TSHZ2: variants seen among roughly 807,000 people sequenced by gnomAD.
TSHZ2 encodes teashirt homolog 2.
TSHZ2 carries 21 observed loss-of-function variants against 74.4 expected under a neutral mutation model. The observed-to-expected ratio is 0.28, with a 90% CI of 0.20 to 0.41. The LOEUF is 0.41. TSHZ2 is among the 10% of genes least tolerant of loss of function. The pLI is 1.00. For missense variants in TSHZ2, 1,244 were observed against 1,293.5 expected, an observed-to-expected ratio of 0.96 and a Z score of 0.59; for synonymous variants, 540 against 515.3, an observed-to-expected ratio of 1.05 and a Z score of -0.65.
rs114101071 is a variant in TSHZ2 at position 53,061,472 on chromosome 20, C to T, written c.40+88139C>T. Among the ~76,000 whole-genome samples, 314 of 152,296 alleles carry T rather than the reference C, an allele frequency of 2.1e-3. 2 individuals carry two copies. Among genetic ancestry groups the T allele is most frequent in the African/African-American group, 7.3e-3 (304 of 41,580 alleles). On this transcript the variant is annotated intron_variant, in intron 1 of 2. Transcript: ENST00000371497. ...AAAAGATATAAGATTATGAAAACAA[C>T]ATTGCACATCTAGTCTGGACTTCTC...
At chr20:53,182,943 ATTGT>A (rs1465955166) in intron 1 of TSHZ2, among the ~76,000 whole-genome samples, 2 of 152,198 alleles carry the variant, frequency 1.3e-5, no homozygotes, top group Non-Finnish European at 2.9e-5. Flanking sequence ...AAATCTAATG[ATTGT>A]TAAGATGGAA....
At chr20:53,307,760 G>A (rs1978604923) in intron 2 of TSHZ2, among the ~76,000 whole-genome samples, 1 of 152,174 alleles carries the variant, frequency 6.6e-6, no homozygotes, top group African/African-American at 2.4e-5. Flanking sequence ...TCCAGCCCTT[G>A]GGAAATTCCA....
intron 2 of TSHZ2, among the ~76,000 whole-genome samples, chr20:53,260,462 AGAGTCT>A (rs1410708688): frequency 6.6e-6 from 1 of 152,322 alleles, no homozygotes; most frequent in East Asian, 1.9e-4. Flanking sequence ...AACCAGGACA[AGAGTCT>A]GCCTTTGAGG....
chr20:53,182,846 T>G (rs1266230936), intron 1 of TSHZ2, among the ~76,000 whole-genome samples: 1 of 152,196 alleles, frequency 6.6e-6, no homozygotes, highest in Non-Finnish European at 1.5e-5. Context: ...TTCAATGTTC[T>G]AATAACCCCA....
intron 1 of TSHZ2, among the ~76,000 whole-genome samples, chr20:53,248,827 G>C (rs1014764355): frequency 3.9e-5 from 6 of 152,068 alleles, no homozygotes; most frequent in African/African-American, 1.4e-4. Flanking sequence ...GGGATGCTCT[G>C]GTATTATTTC....
intron 2 of TSHZ2, among the ~76,000 whole-genome samples, chr20:53,486,343 G>T (rs1986289161): frequency 6.6e-6 from 1 of 152,098 alleles, no homozygotes; most frequent in Non-Finnish European, 1.5e-5. Context: ...GAATAGTGTT[G>T]CTATGAACAC....
chr20:53,440,905 G>C (rs1336806295), intron 2 of TSHZ2, among the ~76,000 whole-genome samples: 2 of 152,234 alleles, frequency 1.3e-5, no homozygotes, highest in African/African-American at 4.8e-5. Flanking sequence ...TTGGGCATCA[G>C]TATTTTTAGC....
intron 2 of TSHZ2, among the ~76,000 whole-genome samples, chr20:53,280,935 G>A (rs11907391): frequency 0.14 from 21,646 of 151,956 alleles, 1,868 homozygotes; most frequent in African/African-American, 0.23. Context: ...CTCGTGATCC[G>A]CCCACTCATC....
At chr20:53,306,724 G>T (rs1246977821) in intron 2 of TSHZ2, among the ~76,000 whole-genome samples, 3 of 152,200 alleles carry the variant, frequency 2.0e-5, no homozygotes, top group Non-Finnish European at 2.9e-5. Context: ...TAAGAAAGGA[G>T]AAGTTTTCTA....
At chr20:53,327,599 G>T (rs1979548539) in intron 2 of TSHZ2, among the ~76,000 whole-genome samples, 1 of 152,230 alleles carries the variant, frequency 6.6e-6, no homozygotes, top group Non-Finnish European at 1.5e-5. Flanking sequence ...TATTAGTCCT[G>T]TGATTGCCTG....
intron 1 of TSHZ2, among the ~76,000 whole-genome samples, chr20:53,109,583 G>C (rs891948943): frequency 6.6e-6 from 1 of 152,102 alleles, no homozygotes; most frequent in Non-Finnish European, 1.5e-5. Context: ...CCTCCAGAAA[G>C]TACTGCAATA....
intron 1 of TSHZ2, among the ~76,000 whole-genome samples, chr20:53,099,403 G>A (rs936112963): frequency 1.3e-5 from 2 of 152,136 alleles, no homozygotes; most frequent in African/African-American, 4.8e-5. Context: ...ACTTCTTGCA[G>A]AAAGCCTCCA....
intron 1 of TSHZ2, among the ~76,000 whole-genome samples, chr20:53,096,743 G>A (rs1198384709): frequency 6.6e-6 from 1 of 151,902 alleles, no homozygotes; most frequent in East Asian, 2.0e-4. Context: ...TTAGCTGGGC[G>A]TGGTTGTGGG....
chr20:53,033,425 A>C (rs1442891917), intron 1 of TSHZ2, among the ~76,000 whole-genome samples: 1 of 152,170 alleles, frequency 6.6e-6, no homozygotes, highest in Non-Finnish European at 1.5e-5. Context: ...AAGCTCTACC[A>C]GTGACTACCT....
At chr20:53,486,074 G>A (rs1021123441) in intron 2 of TSHZ2, among the ~76,000 whole-genome samples, 18 of 152,164 alleles carry the variant, frequency 1.2e-4, no homozygotes, top group South Asian at 6.2e-4. Context: ...CCCAGTCCCT[G>A]GCAACCATCA....
intron 2 of TSHZ2, among the ~76,000 whole-genome samples, chr20:53,331,223 C>G (rs1419025765): frequency 6.6e-6 from 1 of 152,106 alleles, no homozygotes; most frequent in Non-Finnish European, 1.5e-5. Flanking sequence ...TTAACAAAGG[C>G]TACTTAAGAA....
chr20:53,036,107 G>A (rs1227557689), intron 1 of TSHZ2, among the ~76,000 whole-genome samples: 1 of 152,112 alleles, frequency 6.6e-6, no homozygotes, highest in Non-Finnish European at 1.5e-5. Context: ...GAAAAAGGTT[G>A]AATATGCTAT....
At chr20:52,983,443 G>A (rs932233409) in intron 1 of TSHZ2, among the ~76,000 whole-genome samples, 8 of 152,166 alleles carry the variant, frequency 5.3e-5, no homozygotes, top group Admixed American at 1.3e-4. Context: ...CCTTGGCACC[G>A]TTTAGGCAGT....
chr20:53,233,132 T>C (rs1332490872), intron 1 of TSHZ2, among the ~76,000 whole-genome samples: 4 of 152,326 alleles, frequency 2.6e-5, no homozygotes, highest in African/African-American at 9.6e-5. Flanking sequence ...TAAGATACCA[T>C]TGATTGTAAG....
Sources: allele counts gnomAD v4.1 joint callset (sites outside exome capture counted in the v4.1 genomes callset), GRCh38; gene constraint gnomAD v4.1.1; transcripts MANE v1.5; gene names NCBI Gene and HGNC (gene_info 2026-07-23, HGNC 2026-07-21).